The following ZZZ3 variants were observed in gnomAD, a reference collection of about 807,000 sequenced individuals.
ZZZ3 encodes the protein zinc finger ZZ-type containing 3.
ZZZ3 carries 22 observed loss-of-function variants against 95.2 expected under a neutral mutation model. The ratio of observed to expected loss-of-function variants is 0.23; its 90% CI spans 0.17 to 0.33. ZZZ3 has a LOEUF of 0.33. Among genes scored for constraint, ZZZ3 ranks in the 10% least tolerant of loss-of-function variants. ZZZ3 has a pLI of 1.00. For missense variants in ZZZ3, 885 were observed against 1,066.5 expected (o/e 0.83, Z 2.37); for synonymous variants, 335 against 358.9 (o/e 0.93, Z 0.75).
At chr1:77,604,015 A>T (rs1400552846) in intron 5 of ZZZ3, among the ~76,000 whole-genome samples, 3 of 152,162 alleles carry the variant, frequency 2.0e-5, no homozygotes, top group Non-Finnish European at 2.9e-5. Context: ...AAAAAAATTT[A>T]AAAATTACTG....
At chr1:77,605,542 C>T (rs1284044647) in intron 5 of ZZZ3, among the ~76,000 whole-genome samples, 1 of 152,136 alleles carries the variant, frequency 6.6e-6, no homozygotes, top group Non-Finnish European at 1.5e-5. Flanking sequence ...CTTGCACCAC[C>T]CTTCCCCTAA....
At chr1:77,579,325 G>A (rs776848990) in intron 10 of ZZZ3, among the ~76,000 whole-genome samples, 8 of 152,006 alleles carry the variant, frequency 5.3e-5, no homozygotes, top group African/African-American at 9.7e-5. Context: ...TTAATATTTC[G>A]TAATGATCCA....
intron 5 of ZZZ3, among the ~76,000 whole-genome samples, chr1:77,595,224 A>C: frequency 6.6e-6 from 1 of 152,168 alleles, no homozygotes; most frequent in South Asian, 2.1e-4. Flanking sequence ...AAAGCTTATA[A>C]AATTCTTAGT....
intron 5 of ZZZ3, among the ~76,000 whole-genome samples, chr1:77,621,968 T>C (rs1666913249): frequency 6.6e-6 from 1 of 152,106 alleles, no homozygotes; most frequent in South Asian, 2.1e-4. Context: ...AGTTTAAGCA[T>C]AATCTTAATT....
Position 77,677,829 on chromosome 1 carries a change from T to TA in ZZZ3, c.-403+4755dup, listed in dbSNP as rs544430359. 2.6e-3 allele frequency among the ~76,000 whole-genome samples: 391 copies of TA among 152,136 alleles called. 3 individuals are homozygous for TA. Among genetic ancestry groups the TA allele is most frequent in the East Asian group, 3.3e-3 (17 of 5,182 alleles). ...TTAAATGTTTTTACCCACAAATACA[T>TA]AAAAAATATACATTAAAATAATGGA... On this transcript the variant is annotated intron_variant, in intron 1 of 14. Coordinates refer to ENST00000370801, the MANE Select transcript of ZZZ3 (RefSeq NM_015534.6).
chr1:77,636,769 A>G (rs1668345056), intron 4 of ZZZ3, among the ~76,000 whole-genome samples: 2 of 151,364 alleles, frequency 1.3e-5, no homozygotes, highest in African/African-American at 2.4e-5. Flanking sequence ...TCACCATTCC[A>G]CTGATTAAAA....
In ZZZ3 at chr1:77,584,665, C is replaced by A. The variant is rs762225674; in HGVS notation, c.1506-10G>T. The A allele has an allele frequency of 5.2e-6, 8 of 1,534,840 alleles. No individual in the cohort carries two copies. In the African/African-American group the frequency reaches 7.0e-5, roughly 13 times the overall value. ...TAATAGTCTCTGATAACTACAGAGA[C>A]AAAGAAAAATATTTCACAAAAATTT... On this transcript the variant is annotated splice_polypyrimidine_tract_variant and intron_variant, in intron 5 of 14. Transcript: ENST00000370801.
intron 1 of ZZZ3, among the ~76,000 whole-genome samples, chr1:77,659,194 A>C (rs1670563311): frequency 6.6e-6 from 1 of 152,128 alleles, no homozygotes; most frequent in Non-Finnish European, 1.5e-5. Flanking sequence ...TATAAAATAT[A>C]TATTTCTGAA....
chr1:77,657,271 C>T (rs1305497366), intron 1 of ZZZ3, among the ~76,000 whole-genome samples: 2 of 152,138 alleles, frequency 1.3e-5, no homozygotes, highest in African/African-American at 4.8e-5. Flanking sequence ...CGTGAGCCAC[C>T]GCACCCAGCC....
At chr1:77,647,720 C>A (rs1187488061) in intron 1 of ZZZ3, among the ~76,000 whole-genome samples, 1 of 152,106 alleles carries the variant, frequency 6.6e-6, no homozygotes, top group Admixed American at 6.5e-5. Flanking sequence ...GATATTTTAA[C>A]AATCGGCTCT....
In ZZZ3 at chr1:77,564,280, T is replaced by TTA. The variant is rs1660643131; in HGVS notation, c.*1358_*1359dup. ...TTTCCTTTTTGTAAGCTAGTTTAAT[T>TTA]TAGTGTTTCAGCACACACTGAGTAA... is the stretch of plus-strand genomic sequence containing the variant. On this transcript the variant is annotated 3_prime_UTR_variant, in exon 15 of 15. Transcript: ENST00000370801. 6.6e-6 allele frequency: 1 copy of TTA among 152,184 alleles called. No individual in the cohort carries two copies. The highest frequency in any genetic ancestry group is 1.5e-5 in the Non-Finnish European group (1 of 67,998). 9.4% of individuals were successfully genotyped at this position (152,184 alleles called of 1,614,324 possible).
intron 5 of ZZZ3, among the ~76,000 whole-genome samples, chr1:77,618,802 T>C (rs989093422): frequency 6.6e-6 from 1 of 152,226 alleles, no homozygotes; most frequent in Non-Finnish European, 1.5e-5. Flanking sequence ...GTAACTTGTA[T>C]AGGAAATTTT....
At chr1:77,663,186 T>C (rs1429384314) in intron 1 of ZZZ3, among the ~76,000 whole-genome samples, 1 of 152,064 alleles carries the variant, frequency 6.6e-6, no homozygotes, top group Non-Finnish European at 1.5e-5. Flanking sequence ...TCAAATGCAA[T>C]GTATGATCTT....
At chr1:77,630,888 G>C (rs1667743061) in intron 5 of ZZZ3, among the ~76,000 whole-genome samples, 1 of 152,140 alleles carries the variant, frequency 6.6e-6, no homozygotes, top group Non-Finnish European at 1.5e-5. Flanking sequence ...CACTAGAAAT[G>C]TTCCTCAAAT....
chr1:77,587,365 G>C (rs1037237014), intron 5 of ZZZ3, among the ~76,000 whole-genome samples: 78 of 150,738 alleles, frequency 5.2e-4, no homozygotes, highest in African/African-American at 1.8e-3. Flanking sequence ...CCCGGGTTCA[G>C]GCAATTCTCC....
intron 6 of ZZZ3, among the ~76,000 whole-genome samples, chr1:77,582,832 G>A (rs1435353860): frequency 1.3e-5 from 2 of 151,980 alleles, no homozygotes; most frequent in Non-Finnish European, 2.9e-5. Context: ...TAGGCTGAGC[G>A]CAGTGGCTCA....
chr1:77,628,720 CAG>C (rs1177193013), intron 5 of ZZZ3, among the ~76,000 whole-genome samples: 3 of 152,218 alleles, frequency 2.0e-5, no homozygotes, highest in Admixed American at 6.5e-5. Flanking sequence ...TAGAATAACA[CAG>C]AGTTATGTCC....
chr1:77,676,124 C>T (rs958536725), intron 1 of ZZZ3, among the ~76,000 whole-genome samples: 6 of 152,182 alleles, frequency 3.9e-5, no homozygotes, highest in African/African-American at 1.4e-4. Flanking sequence ...TCCCCAAAAT[C>T]TGCCAAAGTA....
At chr1:77,585,476 C>T (rs1417103400) in intron 5 of ZZZ3, among the ~76,000 whole-genome samples, 2 of 152,048 alleles carry the variant, frequency 1.3e-5, no homozygotes, top group African/African-American at 2.4e-5. Flanking sequence ...TACATTAAAC[C>T]CAAAGCTCCG....
Sources: allele counts gnomAD v4.1 joint callset (sites outside exome capture counted in the v4.1 genomes callset), GRCh38; gene constraint gnomAD v4.1.1; transcripts MANE v1.5; gene names NCBI Gene and HGNC (gene_info 2026-07-23, HGNC 2026-07-21).